The following SV2B variants were observed in gnomAD, a reference collection of about 807,000 sequenced individuals.
SV2B encodes solute carrier family 22 member B2.
In SV2B, 41 loss-of-function variants were observed where a neutral mutation model predicts 73.9. The ratio of observed to expected loss-of-function variants is 0.56; its 90% confidence interval spans 0.43 to 0.72. The LOEUF (loss-of-function observed/expected upper bound fraction) is 0.72, where lower values mean the gene tolerates loss of function less well. Ranked by LOEUF, SV2B falls within the 30% of genes least tolerant of loss-of-function variation. The pLI is 0.00. For synonymous variants in SV2B, 314 were observed against 314.2 expected (o/e 1.00, Z 0.01); for missense variants, 764 against 857.8 (o/e 0.89, Z 1.37).
At chr15:91,191,063 C>CTTTTTTTGTTTTTTT in intron 1 of SV2B, among the ~76,000 whole-genome samples, 1 of 64,246 alleles carries the variant, frequency 1.6e-5, no homozygotes, top group East Asian at 7.7e-4. Flanking sequence ...TTTGGTGTTT[C>CTTTTTTTGTTTTTTT]TTTTTTTTTT....
rs1417762539 is a variant in SV2B at position 91,267,083 on chromosome 15, CA to C, written c.1119+393del. On this transcript the variant is annotated intron_variant, in intron 7 of 12. Transcript: ENST00000394232. The surrounding 1 kb of genome is among the most constrained non-coding windows in gnomAD (Gnocchi z 4.3). ...TCCAAGAAACATTTTTCTAAAAGGGCAATGCCATTTCTCTGGAGCACTGGCT... is the reference window on the plus strand; with the variant it reads ...TCCAAGAAACATTTTTCTAAAAGGGCATGCCATTTCTCTGGAGCACTGGCT... The C allele has an allele frequency of 5.4e-6, 1 of 186,084 alleles. No homozygotes were observed. The highest frequency in any genetic ancestry group is 1.1e-5 in the Non-Finnish European group (1 of 90,094). 11.5% of individuals were successfully genotyped at this position (186,084 alleles called of 1,614,324 possible).
chr15:91,230,588 T>C (rs1031640168), intron 2 of SV2B, among the ~76,000 whole-genome samples: 4 of 152,240 alleles, frequency 2.6e-5, no homozygotes, highest in Non-Finnish European at 5.9e-5. Context: ...AAAAGATCTG[T>C]GAGTATATTG....
chr15:91,165,518 A>T (rs149968734), intron 1 of SV2B, among the ~76,000 whole-genome samples: 297 of 152,300 alleles, frequency 2.0e-3, no homozygotes, highest in Non-Finnish European at 3.2e-3. Context: ...TTATATACAA[A>T]TATCACACCA....
intron 1 of SV2B, among the ~76,000 whole-genome samples, chr15:91,222,512 C>A (rs2046252186): frequency 6.6e-6 from 1 of 152,116 alleles, no homozygotes; most frequent in African/African-American, 2.4e-5. Flanking sequence ...TCCTGTAATG[C>A]CTTCAGCATC....
At chr15:91,172,144 A>C (rs976585197) in intron 1 of SV2B, among the ~76,000 whole-genome samples, 1 of 152,214 alleles carries the variant, frequency 6.6e-6, no homozygotes, top group Non-Finnish European at 1.5e-5. Context: ...GAAAAGCCTG[A>C]ACTCCCTCAC....
At chr15:91,101,268 T>C (rs913017573) in intron 1 of SV2B, among the ~76,000 whole-genome samples, 7 of 151,954 alleles carry the variant, frequency 4.6e-5, no homozygotes, top group Admixed American at 4.6e-4. Flanking sequence ...GAGGGAGGAC[T>C]GGGCACTGTA....
intron 1 of SV2B, among the ~76,000 whole-genome samples, chr15:91,169,019 A>G (rs1226431588): frequency 1.3e-5 from 2 of 152,148 alleles, no homozygotes; most frequent in Non-Finnish European, 2.9e-5. Context: ...AGATGATTTA[A>G]ATTTTTTTAA....
rs759847373 is a variant in SV2B at position 91,284,031 on chromosome 15, G to T, written c.1518G>T (p.Glu506Asp). The T allele has an allele frequency of 4.3e-6, 7 of 1,614,124 alleles. No homozygotes were observed. The South Asian group carries it at 7.7e-5, about 18-fold the overall frequency. The change falls in exon 11 of 13, where the codon GAG (glutamate) becomes GAT (aspartate). Residue 506 changes from glutamate to aspartate, a missense_variant. By Grantham distance (45) the Glu-to-Asp change is conservative. Transcript: ENST00000394232. This position sits in a 1 kb window ranked among gnomAD's most constrained non-coding sequence, Gnocchi z 4.5. ...STIFYNTDLYEHKFINCRFIN... is the reference protein window; with the variant it reads ...STIFYNTDLYDHKFINCRFIN... ...TCCTTCTCTCCCCAGACCTCTACGAGCACAAGTTCATCAACTGTCGGTTTA... is the reference window on the plus strand; with the variant it reads ...TCCTTCTCTCCCCAGACCTCTACGATCACAAGTTCATCAACTGTCGGTTTA...
Position 91,290,071 on chromosome 15 carries a change from G to A in SV2B, c.1868+391G>A, listed in dbSNP as rs1201553785. ...GGGGCAAGGAGAGAAATAAAGGTCGGGAGGCAGCATGAAGTCCAGGGAATC... is the reference window on the plus strand; with the variant it reads ...GGGGCAAGGAGAGAAATAAAGGTCGAGAGGCAGCATGAAGTCCAGGGAATC... On this transcript the variant is annotated intron_variant, in intron 12 of 12. Transcript: ENST00000394232. This position sits in a 1 kb window ranked among gnomAD's most constrained non-coding sequence, Gnocchi z 4.7. 2.0e-5 allele frequency among the ~76,000 whole-genome samples: 3 copies of A among 152,196 alleles called. No individual in the cohort carries two copies. The highest frequency in any genetic ancestry group is 7.2e-5 in the African/African-American group (3 of 41,450).
At chr15:91,135,040 C>T (rs1651796262) in intron 1 of SV2B, among the ~76,000 whole-genome samples, 1 of 150,726 alleles carries the variant, frequency 6.6e-6, no homozygotes, top group Admixed American at 6.6e-5. Flanking sequence ...TGCTCTGTTA[C>T]CCGGGCTGGA....
At position 91,227,408 on chromosome 15, in the gene SV2B, G is replaced by C. The variant is rs544149629; in HGVS notation, c.451+694G>C. On this transcript the variant is annotated intron_variant, in intron 2 of 12. Transcript: ENST00000394232. The surrounding 1 kb of genome is among the most constrained non-coding windows in gnomAD (Gnocchi z 4.5). Reference sequence around the variant, plus strand: ...AGAGGATTTGTGAAATTAGAGAGACGGTGTGCACAAATGGTGTGATGTAGA... The same window carrying C: ...AGAGGATTTGTGAAATTAGAGAGACCGTGTGCACAAATGGTGTGATGTAGA... 2.6e-5 allele frequency among the ~76,000 whole-genome samples: 4 copies of C among 152,222 alleles called. No individual in the cohort carries two copies. In the South Asian group the frequency reaches 8.3e-4, roughly 32 times the overall value.
chr15:91,200,017 T>C (rs1050958992), intron 1 of SV2B, among the ~76,000 whole-genome samples: 15 of 152,236 alleles, frequency 9.9e-5, no homozygotes, highest in African/African-American at 3.6e-4. Flanking sequence ...CTGTTACCAC[T>C]GCTTAATACT....
chr15:91,196,022 A>C (rs970789526), intron 1 of SV2B, among the ~76,000 whole-genome samples: 3 of 152,230 alleles, frequency 2.0e-5, no homozygotes, highest in African/African-American at 7.2e-5. Flanking sequence ...ATGTCCATAC[A>C]AGGTAAAGTG....
At chr15:91,102,579 G>T (rs2041761615) in intron 1 of SV2B, among the ~76,000 whole-genome samples, 1 of 152,104 alleles carries the variant, frequency 6.6e-6, no homozygotes, top group African/African-American at 2.4e-5. Flanking sequence ...AACCAAAAAA[G>T]CCCTCTCTCA....
chr15:91,156,338 A>C (rs1429517509), intron 1 of SV2B, among the ~76,000 whole-genome samples: 1 of 152,206 alleles, frequency 6.6e-6, no homozygotes, highest in East Asian at 1.9e-4. Context: ...TCTCTTGTGC[A>C]GGGCCACTTG....
intron 9 of SV2B, among the ~76,000 whole-genome samples, chr15:91,272,935 C>A (rs144272906): frequency 2.0e-5 from 3 of 148,922 alleles, no homozygotes; most frequent in Non-Finnish European, 3.0e-5. Flanking sequence ...CAGGTTCAAG[C>A]GATTCTCCTG....
Position 91,293,974 on chromosome 15 carries a change from G to A in SV2B, c.*1422G>A, listed in dbSNP as rs1203676992. 1 of 152,252 alleles carries A rather than the reference G, an allele frequency of 6.6e-6. No homozygotes were observed. Among genetic ancestry groups the A allele is most frequent in the Non-Finnish European group, 1.5e-5 (1 of 68,064 alleles). 9.4% of individuals were successfully genotyped at this position (152,252 alleles called of 1,614,324 possible). A position where few individuals can be genotyped will look rare whatever the true frequency, so the allele number is the denominator to read the frequency against. The stretch of plus-strand genomic sequence containing the variant: ...TCAGCAATAGACTGAAGTCTTGACT[G>A]CATGGAAGAGGAAAAACATCAGAAC... On this transcript the variant is annotated 3_prime_UTR_variant, in exon 13 of 13. Transcript: ENST00000394232.
rs532256451 is a variant in SV2B at position 91,115,144 on chromosome 15, A to C, written c.-392+14781A>C. Among the ~76,000 whole-genome samples the C allele has an allele frequency of 6.6e-6, 1 of 152,362 alleles. No individual in the cohort carries two copies. The highest frequency in any genetic ancestry group is 6.5e-5 in the Admixed American group (1 of 15,314). On this transcript the variant is annotated intron_variant, in intron 1 of 12. Transcript: ENST00000394232. This position sits in a 1 kb window ranked among gnomAD's most constrained non-coding sequence, Gnocchi z 4.3. ...GGCAAAGCCAACAGGTGTCCACTAC[A>C]CACGCTGAGCTGGCTTCTCTTGCTG... is the stretch of plus-strand genomic sequence containing the variant.
intron 1 of SV2B, among the ~76,000 whole-genome samples, chr15:91,186,082 C>A (rs2044758534): frequency 6.6e-6 from 1 of 152,098 alleles, no homozygotes; most frequent in South Asian, 2.1e-4. Flanking sequence ...TTATTCTTCT[C>A]TGAATAGGGG....
Sources: gnomAD v4.1 joint callset for allele counts (sites outside exome capture counted in the v4.1 genomes callset) on GRCh38, gnomAD v4.1.1 for gene constraint, Gnocchi (gnomAD v3.1) non-coding constraint, MANE v1.5 for transcripts, NCBI Gene and HGNC (gene_info 2026-07-23, HGNC 2026-07-21) for gene names.